The following AGO1 variants were observed in gnomAD, a reference collection of about 807,000 sequenced individuals.
The protein encoded by AGO1 is argonaute RISC component 1.
In AGO1, 11 loss-of-function variants were observed where a neutral mutation model predicts 109.2. The observed-to-expected ratio is 0.10, with a 90% CI of 0.06 to 0.17. The LOEUF is 0.17. Among genes scored for constraint, AGO1 ranks in the 10% least tolerant of loss-of-function variants. The pLI, the probability that AGO1 is intolerant of heterozygous loss-of-function variation, is 1.00. For synonymous variants in AGO1, 422 were observed against 418.6 expected (o/e 1.01, Z -0.10); for missense variants, 574 against 1,140.3 (o/e 0.50, Z 7.15).
At position 35,921,360 on chromosome 1, in the gene AGO1, C is replaced by T. The variant is rs1038514020; in HGVS notation, c.*1753C>T. On this transcript the variant is annotated 3_prime_UTR_variant, in exon 19 of 19. Transcript: ENST00000373204. ...GGACTGGAGAAGGTGGTGGTTCTAG[C>T]TTGGTCTCTGTTGGCCTTGAAGCAA... The T allele has an allele frequency of 7.1e-6, 1 of 140,112 alleles. No homozygotes were observed. Among genetic ancestry groups the T allele is most frequent in the South Asian group, 2.2e-4 (1 of 4,526 alleles). 8.7% of individuals were successfully genotyped at this position (140,112 alleles called of 1,614,324 possible). A position where few individuals can be genotyped will look rare whatever the true frequency, so the allele number is the denominator to read the frequency against.
At chr1:35,894,554 C>G in intron 7 of AGO1, 152 bp downstream of exon 7, 1 of 733,080 alleles carries the variant, frequency 1.4e-6, no homozygotes, top group African/African-American at 1.8e-5. Context: ...AATTTGGCAT[C>G]CTTTCTCAAC....
In AGO1 at chr1:35,906,929, G is replaced by T. The variant is rs886392549; in HGVS notation, c.1398-6G>T. On this transcript the variant is annotated splice_polypyrimidine_tract_variant and splice_region_variant and intron_variant, in intron 11 of 18. Coordinates refer to ENST00000373204, the MANE Select transcript of AGO1 (RefSeq NM_012199.5). ...CTGCCTCCTTTGTGACCATGCGTGTGTACAGGAACTTCACAGACCAGCTGC... is the reference window on the plus strand; with the variant it reads ...CTGCCTCCTTTGTGACCATGCGTGTTTACAGGAACTTCACAGACCAGCTGC... The T allele has an allele frequency of 6.2e-7, 1 of 1,608,316 alleles. No individual in the cohort carries two copies. Among genetic ancestry groups the T allele is most frequent in the Non-Finnish European group, 8.5e-7 (1 of 1,176,650 alleles).
chr1:35,911,335 C>T (rs1645629332), intron 12 of AGO1, among the ~76,000 whole-genome samples: 1 of 152,130 alleles, frequency 6.6e-6, no homozygotes. Flanking sequence ...AAAAATCATT[C>T]ATATTTAGAA....
upstream of AGO1, chr1:35,882,937 G>C: frequency 1.0e-6 from 1 of 978,592 alleles, no homozygotes. This position sits in a 1 kb window ranked among gnomAD's most constrained non-coding sequence, Gnocchi z 5.1. Flanking sequence ...GCTGTGTGTA[G>C]GTTTGGAGGG....
chr1:35,878,493 G>A (rs1186815891), upstream of AGO1, among the ~76,000 whole-genome samples: 6 of 152,232 alleles, frequency 3.9e-5, no homozygotes, highest in South Asian at 6.2e-4. Flanking sequence ...TCTTCTTAGC[G>A]GTATGGACTG....
chr1:35,908,539 A>G (rs977515207), intron 12 of AGO1, among the ~76,000 whole-genome samples: 1 of 152,182 alleles, frequency 6.6e-6, no homozygotes, highest in Admixed American at 6.5e-5. Flanking sequence ...TGTATGGAAC[A>G]CTGTCCAACA....
chr1:35,922,321 C>G lies in AGO1; in HGVS notation c.*2714C>G, dbSNP rs1394022800. 6.6e-6 allele frequency: 1 copy of G among 152,472 alleles called. No homozygotes were observed. Among genetic ancestry groups the G allele is most frequent in the Non-Finnish European group, 1.5e-5 (1 of 68,036 alleles). The allele number at this position is 152,472 out of a possible 1,614,324, so 9.4% of individuals were successfully genotyped here. On this transcript the variant is annotated 3_prime_UTR_variant, in exon 19 of 19. Coordinates refer to ENST00000373204, the MANE Select transcript of AGO1 (RefSeq NM_012199.5). ...TTTTGTAAAAAGATAATTTTTGAGA[C>G]TTGAAAAATACCCCGACCTTGAGAT...
chr1:35,900,661 A>G (rs1193966359), intron 8 of AGO1, among the ~76,000 whole-genome samples: 1 of 152,242 alleles, frequency 6.6e-6, no homozygotes, highest in African/African-American at 2.4e-5. Flanking sequence ...TGGGAGGTGA[A>G]GGTTGCAGTA....
rs1645886069 is a variant in AGO1, at chr1:35,924,270, A to G, written c.*4663A>G. ...CAGCAGCAGCACAATTCTGTGTTTT[A>G]TAAAGACAACAGTGGCTTCTATTTC... On this transcript the variant is annotated 3_prime_UTR_variant, in exon 19 of 19. Transcript: ENST00000373204. The G allele has an allele frequency of 6.5e-6, 1 of 153,740 alleles. No homozygotes were observed. Among genetic ancestry groups the G allele is most frequent in the Non-Finnish European group, 1.5e-5 (1 of 68,406 alleles). The allele number at this position is 153,740 out of a possible 1,614,324, so 9.5% of individuals were successfully genotyped here.
rs756900274 is a variant in AGO1 at position 35,920,460 on chromosome 1, GAGGT to G, written c.*856_*859del. ...GGGGAATGGGGTGGGGGTGGGAGAGGAGGTAGATGGGGAAGAAATACCCCAGACC... is the reference window on the plus strand; with the variant it reads ...GGGGAATGGGGTGGGGGTGGGAGAGGAGATGGGGAAGAAATACCCCAGACC... On this transcript the variant is annotated 3_prime_UTR_variant, in exon 19 of 19. Coordinates refer to ENST00000373204, the MANE Select transcript of AGO1 (RefSeq NM_012199.5). 9 of 152,470 alleles carry G rather than the reference GAGGT, an allele frequency of 5.9e-5. No homozygotes were observed. Among genetic ancestry groups the G allele is most frequent in the Non-Finnish European group, 1.3e-4 (9 of 68,022 alleles). The allele number at this position is 152,470 out of a possible 1,614,324, so 9.4% of individuals were successfully genotyped here.
At position 35,921,917 on chromosome 1, in the gene AGO1, C is replaced by T. The variant is rs1319940523; in HGVS notation, c.*2310C>T. ...AAAGAGAGTGATGCTAACACTCCAT[C>T]TGCCCTGTCCATTGCCTTCATATAC... On this transcript the variant is annotated 3_prime_UTR_variant, in exon 19 of 19. Transcript: ENST00000373204. The T allele has an allele frequency of 6.5e-6, 1 of 152,762 alleles. No homozygotes were observed. The highest frequency in any genetic ancestry group is 6.5e-5 in the Admixed American group (1 of 15,292). 9.5% of individuals were successfully genotyped at this position (152,762 alleles called of 1,614,324 possible).
intron 8 of AGO1, among the ~76,000 whole-genome samples, chr1:35,898,457 G>A (rs1645359811): frequency 6.6e-6 from 1 of 151,844 alleles, no homozygotes; most frequent in African/African-American, 2.4e-5. Context: ...GGGGTTTCAC[G>A]GTGTTAGCCA....
chr1:35,910,450 C>A (rs1030847902), intron 12 of AGO1, among the ~76,000 whole-genome samples: 1 of 151,860 alleles, frequency 6.6e-6, no homozygotes, highest in Non-Finnish European at 1.5e-5. Flanking sequence ...ACATGTTTAG[C>A]TCAGTGATAT....
chr1:35,894,229 C>T, intron 6 of AGO1, 58 bp downstream of exon 6: 1 of 1,581,228 alleles, frequency 6.3e-7, no homozygotes, highest in Non-Finnish European at 8.6e-7. Context: ...AAGAGGAAAT[C>T]CCCTTGGGGT....
intron 11 of AGO1, among the ~76,000 whole-genome samples, chr1:35,903,819 C>T (rs950898606): frequency 1.4e-5 from 2 of 146,474 alleles, no homozygotes; most frequent in Admixed American, 6.8e-5. Flanking sequence ...AAAAATTAGC[C>T]GGGCGTGGTG....
rs1422145745 is a variant in AGO1 at position 35,925,487 on chromosome 1, A to G, written c.*5880A>G. ...TTTATTTCCATAATTTGTCTTCTTT[A>G]GAGCCTATGAACTCCTAGGAGCAGA... is the stretch of plus-strand genomic sequence containing the variant. On this transcript the variant is annotated 3_prime_UTR_variant, in exon 19 of 19. Coordinates refer to ENST00000373204, the MANE Select transcript of AGO1 (RefSeq NM_012199.5). The G allele has an allele frequency of 6.0e-5, 9 of 150,302 alleles. No homozygotes were observed. The Admixed American group carries it at 6.0e-4, about 10-fold the overall frequency. 9.3% of individuals were successfully genotyped at this position (150,302 alleles called of 1,614,324 possible).
In AGO1 at chr1:35,906,840, C is replaced by T. The variant is rs748096900; in HGVS notation, c.1398-95C>T. On this transcript the variant is annotated intron_variant, in intron 11 of 18. Coordinates refer to ENST00000373204, the MANE Select transcript of AGO1 (RefSeq NM_012199.5). ...AAAAAAAAAAACCAATCTCTCAGTG[C>T]CTCTTATAGTGCTAAGCACCTAAGA... 8 of 995,898 alleles carry T rather than the reference C, an allele frequency of 8.0e-6. No individual in the cohort carries two copies. The Admixed American group carries it at 9.9e-5, about 12-fold the overall frequency. 61.7% of individuals were successfully genotyped at this position (995,898 alleles called of 1,614,324 possible).
In AGO1 at chr1:35,901,439, C is replaced by G. The variant is rs145801210; in HGVS notation, c.1021-35C>G. On this transcript the variant is annotated intron_variant, in intron 8 of 18. Coordinates refer to ENST00000373204, the MANE Select transcript of AGO1 (RefSeq NM_012199.5). This position sits in a 1 kb window ranked among gnomAD's most constrained non-coding sequence, Gnocchi z 4.8. ...CTCTGGGTACAGGGTGGACTGTACT[C>G]AAGCCAGAGCTACCTGTCCTTCTTG... The G allele has an allele frequency of 1.1e-5, 18 of 1,613,430 alleles. No homozygotes were observed. Among genetic ancestry groups the G allele is most frequent in the Admixed American group, 1.7e-5 (1 of 60,006 alleles).
chr1:35,902,188 C>G lies in AGO1; in HGVS notation c.1264-16C>G, dbSNP rs1645429719. On this transcript the variant is annotated splice_polypyrimidine_tract_variant and intron_variant, in intron 10 of 18. Coordinates refer to ENST00000373204, the MANE Select transcript of AGO1 (RefSeq NM_012199.5). The stretch of plus-strand genomic sequence containing the variant: ...CTACTGAGGCTCACCTAGGCGCCCC[C>G]TCTACCTATCCCCAGAACCGGGCCA... 6.2e-7 allele frequency: 1 copy of G among 1,611,050 alleles called. No homozygotes were observed. The highest frequency in any genetic ancestry group is 1.3e-5 in the African/African-American group (1 of 74,906).
Sources: gnomAD v4.1 joint callset for allele counts (sites outside exome capture counted in the v4.1 genomes callset) on GRCh38, gnomAD v4.1.1 for gene constraint, Gnocchi (gnomAD v3.1) non-coding constraint, MANE v1.5 for transcripts, NCBI Gene and HGNC (gene_info 2026-07-23, HGNC 2026-07-21) for gene names.